SBF2: variants seen among roughly 807,000 people sequenced by gnomAD.
The protein encoded by SBF2 is SET binding factor 2.
A neutral mutation model predicts 225.2 loss-of-function variants in SBF2; 112 were observed. The observed-to-expected ratio is 0.50, with a 90% CI of 0.43 to 0.58. The LOEUF is 0.58. Among genes scored for constraint, SBF2 ranks in the 20% least tolerant of loss-of-function variants. The pLI is 0.00. For missense variants in SBF2, 1,996 were observed against 2,206.2 expected, an observed-to-expected ratio of 0.90 and a Z score of 1.91; for synonymous variants, 763 against 773.3, an observed-to-expected ratio of 0.99 and a Z score of 0.22.
At chr11:10,232,329 G>A (rs541776289) in intron 1 of SBF2, among the ~76,000 whole-genome samples, 24 of 152,256 alleles carry the variant, frequency 1.6e-4, no homozygotes, top group East Asian at 5.8e-4. Context: ...CCCACTGTCC[G>A]GCACTCCCCA....
At chr11:10,261,457 C>T (rs562526848) in intron 1 of SBF2, among the ~76,000 whole-genome samples, 3 of 152,254 alleles carry the variant, frequency 2.0e-5, no homozygotes, top group South Asian at 2.1e-4. Context: ...CCCACCTTGG[C>T]CCCCCAAAGT....
chr11:9,851,654 T>C (rs539016541), intron 21 of SBF2, among the ~76,000 whole-genome samples: 1 of 152,356 alleles, frequency 6.6e-6, no homozygotes, highest in African/African-American at 2.4e-5. Context: ...CTAGTGAGTT[T>C]AGAGCTAAAT....
Position 9,794,676 on chromosome 11 carries a change from C to CAAAAAAAAAAAAAAAAAAAAAA in SBF2, c.4570+1133_4570+1154dup, listed in dbSNP as rs575749593. Among the ~76,000 whole-genome samples the CAAAAAAAAAAAAAAAAAAAAAA allele has an allele frequency of 8.5e-5, 3 of 35,354 alleles. 1 individual carries two copies. Among genetic ancestry groups the CAAAAAAAAAAAAAAAAAAAAAA allele is most frequent in the Admixed American group, 1.2e-3 (2 of 1,708 alleles). 23.2% of individuals were successfully genotyped at this position (35,354 alleles called of 152,430 possible). On this transcript the variant is annotated intron_variant, in intron 33 of 39. Transcript: ENST00000256190. ...TGATACAGTGAGTGGGACTCCGTCTCAAAAAAAAAAAAAAAAAAAAAAAAA... is the reference window on the plus strand; with the variant it reads ...TGATACAGTGAGTGGGACTCCGTCTCAAAAAAAAAAAAAAAAAAAAAAAAAAAAAAAAAAAAAAAAAAAAAAA...
rs548318917 is a variant in SBF2, at chr11:9,843,527, T to C, written c.3111-757A>G. Among the ~76,000 whole-genome samples, 4 of 152,294 alleles carry C rather than the reference T, an allele frequency of 2.6e-5. No individual in the cohort carries two copies. The South Asian group carries it at 8.3e-4, about 32-fold the overall frequency. On this transcript the variant is annotated intron_variant, in intron 24 of 39. Coordinates refer to ENST00000256190, the MANE Select transcript of SBF2 (RefSeq NM_030962.4). Reference sequence around the variant, plus strand: ...CCAGAGAATTAAACAGAGAACCTATTTCCTGACTAATCAGATGGAGGTGAA... The same window carrying C: ...CCAGAGAATTAAACAGAGAACCTATCTCCTGACTAATCAGATGGAGGTGAA...
At chr11:10,101,528 C>G (rs1448033852) in intron 2 of SBF2, among the ~76,000 whole-genome samples, 1 of 152,014 alleles carries the variant, frequency 6.6e-6, no homozygotes, top group African/African-American at 2.4e-5. Context: ...CCACAGTAAG[C>G]AGGGTCATCA....
intron 3 of SBF2, among the ~76,000 whole-genome samples, chr11:10,040,005 G>C (rs531138128): frequency 5.9e-5 from 9 of 151,830 alleles, no homozygotes; most frequent in African/African-American, 2.2e-4. Flanking sequence ...TATAGTAAAA[G>C]GTCGACTGCT....
At chr11:9,794,235 AAAAC>A (rs1247470678) in intron 33 of SBF2, among the ~76,000 whole-genome samples, 1 of 151,982 alleles carries the variant, frequency 6.6e-6, no homozygotes, top group East Asian at 1.9e-4. Context: ...ACGAAACAAA[AAAAC>A]AAACCAAAAA....
rs1245602198 is a variant in SBF2, at chr11:9,968,348, T to C, written c.1593A>G (p.Pro531=). Residue 531 remains proline, a synonymous_variant, in exon 14 of 40, where the codon CCA becomes CCG. Coordinates refer to ENST00000256190, the MANE Select transcript of SBF2 (RefSeq NM_030962.4). ...AGACAGACAAATACATACCAACAGG[T>C]GGACCTGCTGGCACAACACATTTCT... is the stretch of plus-strand genomic sequence containing the variant. ...IEKKCVVPAG[P]PVVSIMDKVT... The C allele has an allele frequency of 3.7e-6, 6 of 1,613,952 alleles. 1 individual carries two copies. The Admixed American group carries it at 1.0e-4, about 27-fold the overall frequency.
At chr11:9,781,696 T>G (rs1380604737) in intron 38 of SBF2, 58 bp from the exon 39 acceptor site, 41 of 1,602,168 alleles carry the variant, frequency 2.6e-5, no homozygotes, top group Non-Finnish European at 3.2e-5. Flanking sequence ...ATGCCATGGC[T>G]TTTCAAACTG....
At chr11:9,877,657 T>G (rs1299205554) in intron 17 of SBF2, among the ~76,000 whole-genome samples, 2 of 152,228 alleles carry the variant, frequency 1.3e-5, no homozygotes, top group Non-Finnish European at 2.9e-5. Flanking sequence ...TTTGGTTTTC[T>G]GCTCTTGCGA....
intron 26 of SBF2, among the ~76,000 whole-genome samples, chr11:9,836,302 A>G (rs535103902): frequency 1.3e-5 from 2 of 152,298 alleles, no homozygotes; most frequent in South Asian, 2.1e-4. Flanking sequence ...TTTTACATAT[A>G]GATCTATAGG....
At chr11:9,867,415 T>G (rs1407151788) in intron 17 of SBF2, among the ~76,000 whole-genome samples, 1 of 152,076 alleles carries the variant, frequency 6.6e-6, no homozygotes, top group African/African-American at 2.4e-5. Flanking sequence ...ACACAGAGAA[T>G]GGAGAATGCT....
At chr11:10,107,040 T>C (rs1952590232) in intron 2 of SBF2, among the ~76,000 whole-genome samples, 1 of 152,216 alleles carries the variant, frequency 6.6e-6, no homozygotes, top group South Asian at 2.1e-4. Context: ...GTGGAGGCAA[T>C]GGACCTCACT....
chr11:9,829,269 A>G, intron 28 of SBF2, 87 bp downstream of exon 28: 5 of 1,451,704 alleles, frequency 3.4e-6, no homozygotes, highest in Admixed American at 1.7e-5. Flanking sequence ...AACAGTACAA[A>G]TAACAAATAA....
rs1474146157 is a variant in SBF2, at chr11:9,968,388, G to A, written c.1553C>T (p.Ala518Val). 1.2e-6 allele frequency: 2 copies of A among 1,613,996 alleles called. No individual in the cohort carries two copies. The highest frequency in any genetic ancestry group is 2.7e-5 in the African/African-American group (2 of 74,908). Residue 518 changes from alanine to valine, a missense_variant, in exon 14 of 40, where the codon GCC (alanine) becomes GTC (valine). By Grantham distance (64) the Ala-to-Val change is moderately conservative (BLOSUM62 0). Coordinates refer to ENST00000256190, the MANE Select transcript of SBF2 (RefSeq NM_030962.4). ...NVAKNQNAPPATRIEKKCVVP... is the reference protein window; with the variant it reads ...NVAKNQNAPPVTRIEKKCVVP... ...AACACATTTCTTTTCTATTCGTGTG[G>A]CAGGAGGTGCATTCTGGTTCTTAGC...
intron 1 of SBF2, among the ~76,000 whole-genome samples, chr11:10,216,215 TA>T (rs1195303110): frequency 2.6e-5 from 4 of 152,084 alleles, no homozygotes; most frequent in Admixed American, 6.5e-5. Flanking sequence ...GTCTAAGACA[TA>T]AAAGAAAAAA....
intron 16 of SBF2, among the ~76,000 whole-genome samples, chr11:9,931,562 C>G (rs1454672342): frequency 6.6e-6 from 1 of 152,104 alleles, no homozygotes; most frequent in Non-Finnish European, 1.5e-5. Context: ...GAAAACTAAA[C>G]AACAGAAAGG....
intron 2 of SBF2, among the ~76,000 whole-genome samples, chr11:10,130,821 T>C (rs892786318): frequency 6.6e-6 from 1 of 152,168 alleles, no homozygotes; most frequent in African/African-American, 2.4e-5. Context: ...TTTTTTTCAC[T>C]TACATAATGC....
At chr11:10,070,644 T>C (rs1026327607) in intron 2 of SBF2, among the ~76,000 whole-genome samples, 1 of 152,258 alleles carries the variant, frequency 6.6e-6, no homozygotes, top group Non-Finnish European at 1.5e-5. Context: ...CAATGTGGGC[T>C]CTTTTTTGGT....
Sources: allele counts gnomAD v4.1 joint callset (sites outside exome capture counted in the v4.1 genomes callset), GRCh38; gene constraint gnomAD v4.1.1; transcripts MANE v1.5; gene names NCBI Gene and HGNC (gene_info 2026-07-23, HGNC 2026-07-21).